TRIO: variants seen among roughly 807,000 people sequenced by gnomAD.
The protein encoded by TRIO is trio Rho guanine nucleotide exchange factor.
TRIO carries 58 observed loss-of-function variants against 351.9 expected under a neutral mutation model. That is an observed-to-expected ratio of 0.16 (90% CI 0.13 to 0.21). The LOEUF is 0.21. TRIO is among the 10% of genes least tolerant of loss of function. The pLI, the probability that TRIO is intolerant of heterozygous loss-of-function variation, is 1.00. For synonymous variants in TRIO, 1,758 were observed against 1,595.7 expected (o/e 1.10, Z -2.42); for missense variants, 3,201 against 4,027.8 (o/e 0.79, Z 5.56).
At chr5:14,436,986 T>C (rs1297347937) in intron 34 of TRIO, among the ~76,000 whole-genome samples, 1 of 152,200 alleles carries the variant, frequency 6.6e-6, no homozygotes, top group African/African-American at 2.4e-5. Context: ...ACAGCTCCAC[T>C]AGGCTCCTGT....
Position 14,488,028 on chromosome 5 carries a change from C to T in TRIO, c.7400C>T (p.Ser2467Phe), listed in dbSNP as rs1233033472. ...LNSPLSSAVP[S>F]LGKEPFPPSS... ...TCGCCGCTCTCCAGCGCGGTCCCTT[C>T]TCTCGGCAAGGAGCCCTTCCCCCCC... Residue 2467 changes from serine (S) to phenylalanine (F), a missense_variant, in exon 48 of 57, where the codon TCT (serine) becomes TTT (phenylalanine). Ser to Phe is a radical substitution (Grantham distance 155). This residue lies in a region of TRIO where 1,089 missense variants were observed against 954.9 expected (regional missense o/e 1.14). Coordinates refer to ENST00000344204, the MANE Select transcript of TRIO (RefSeq NM_007118.4). 6 of 1,602,102 alleles carry T rather than the reference C, an allele frequency of 3.7e-6. No homozygotes were observed. The highest frequency in any genetic ancestry group is 3.4e-6 in the Non-Finnish European group (4 of 1,175,580).
chr5:14,299,907 T>C (rs1737708413), intron 7 of TRIO, among the ~76,000 whole-genome samples: 1 of 152,250 alleles, frequency 6.6e-6, no homozygotes, highest in African/African-American at 2.4e-5. Context: ...CCCTGCCCTC[T>C]CTCTCCATGG....
In TRIO at chr5:14,496,981, G is replaced by A. The variant is rs933202795; in HGVS notation, c.7983G>A (p.Lys2661=). The A allele has an allele frequency of 1.2e-6, 2 of 1,614,220 alleles. No homozygotes were observed. Among genetic ancestry groups the A allele is most frequent in the Non-Finnish European group, 1.7e-6 (2 of 1,180,032 alleles). Residue 2661 remains lysine (K), a synonymous_variant, in exon 50 of 57, where the codon AAG becomes AAA. Transcript: ENST00000344204. ...GCAAGTTAGAGAACGGTTATCGGAA[G>A]TCACGGGAAGGACTCAGCAACAAGG... ...REGKLENGYR[K]SREGLSNKVS...
chr5:14,166,018 T>C (rs933514934), intron 1 of TRIO, among the ~76,000 whole-genome samples: 5 of 152,260 alleles, frequency 3.3e-5, no homozygotes, highest in Non-Finnish European at 5.9e-5. Context: ...TTCTCTTGTT[T>C]CTCATTCTTC....
In TRIO at chr5:14,482,771, A is replaced by G. The variant is rs1329996334; in HGVS notation, c.6655A>G (p.Lys2219Glu). 6.9e-6 allele frequency: 11 copies of G among 1,585,184 alleles called. No individual in the cohort carries two copies. The highest frequency in any genetic ancestry group is 9.5e-6 in the Non-Finnish European group (11 of 1,161,946). Residue 2219 changes from lysine (K) to glutamate (E), a missense_variant and splice_region_variant, in exon 46 of 57, where the codon AAG becomes GAG. Around this residue, in one of 19 missense-constraint regions of TRIO, gnomAD observed 1,089 missense variants for 954.9 expected, o/e 1.14. Transcript: ENST00000344204. ...MPGFLFKNSI[K>E]VSCLCLEENV... ...GGGATTCCTGTTTAAGAACAGTATC[A>G]AGGTAACGTGTGTCTCTGTGTGATT...
rs1200628649 is a variant in TRIO at position 14,280,911 on chromosome 5, A to G, written c.347+475A>G. On this transcript the variant is annotated intron_variant, in intron 3 of 56. Transcript: ENST00000344204. Reference sequence around the variant, plus strand: ...ATTGGGCGTAGATTTGGGAATCTCTATCAAAATTGAGACTCCATTGGTAAT... The same window carrying G: ...ATTGGGCGTAGATTTGGGAATCTCTGTCAAAATTGAGACTCCATTGGTAAT... Among the ~76,000 whole-genome samples the G allele has an allele frequency of 2.0e-5, 3 of 152,226 alleles. No individual in the cohort carries two copies. The East Asian group carries it at 5.8e-4, about 29-fold the overall frequency.
chr5:14,225,796 C>A lies in TRIO; in HGVS notation c.158-45029C>A, dbSNP rs1262577959. 3.8e-5 allele frequency among the ~76,000 whole-genome samples: 5 copies of A among 131,210 alleles called. No homozygotes were observed. In the East Asian group the frequency reaches 6.4e-4, roughly 17 times the overall value. 86.1% of individuals were successfully genotyped at this position (131,210 alleles called of 152,430 possible). On this transcript the variant is annotated intron_variant, in intron 1 of 56. Transcript: ENST00000344204. ...CCCATCATATTCACTGCTCCCACCC[C>A]CCCCCCCACCTCCAAGCCCAAAAGG...
chr5:14,472,730 A>G, intron 39 of TRIO, 72 bp downstream of exon 39: 1 of 1,471,770 alleles, frequency 6.8e-7, no homozygotes, highest in Non-Finnish European at 9.4e-7. Flanking sequence ...CGTTTTAGAC[A>G]GTTGAACACC....
At chr5:14,304,344 A>G (rs1738177608) in intron 7 of TRIO, 117 bp from the exon 8 acceptor site, 3 of 1,053,126 alleles carry the variant, frequency 2.8e-6, no homozygotes, top group Non-Finnish European at 4.1e-6. Context: ...AGAGTCAACC[A>G]TGTTAAATTC....
At position 14,304,513 on chromosome 5, in the gene TRIO, C is replaced by T. The variant is rs766016794; in HGVS notation, c.1421C>T (p.Pro474Leu). ...WCKACGEVDL[P>L]SELQDLEDAI... is the part of the protein sequence containing the mutation. ...AAAGCTTGCGGTGAGGTAGACCTTC[C>T]CTCAGAGCTGCAGGACCTAGAAGAT... The change falls in exon 8 of 57, where the codon CCC (proline) becomes CTC (leucine). Residue 474 changes from proline (P) to leucine (L), a missense_variant. This residue lies in a region of TRIO where 349 missense variants were observed against 449.3 expected (regional missense o/e 0.78). Coordinates refer to ENST00000344204, the MANE Select transcript of TRIO (RefSeq NM_007118.4). 3.7e-6 allele frequency: 6 copies of T among 1,614,040 alleles called. No homozygotes were observed. The Admixed American group carries it at 8.3e-5, about 22-fold the overall frequency.
intron 34 of TRIO, among the ~76,000 whole-genome samples, chr5:14,432,882 C>A (rs1256055545): frequency 6.6e-6 from 1 of 152,134 alleles, no homozygotes; most frequent in African/African-American, 2.4e-5. Context: ...CTGTCAGCTC[C>A]CCGCCACCAT....
At chr5:14,402,008 T>G (rs1748112753) in intron 31 of TRIO, among the ~76,000 whole-genome samples, 1 of 152,188 alleles carries the variant, frequency 6.6e-6, no homozygotes, top group Non-Finnish European at 1.5e-5. Flanking sequence ...TGGAAGCCAT[T>G]GTGTTCATAA....
intron 44 of TRIO, 82 bp from the exon 45 acceptor site, chr5:14,481,459 A>G: frequency 5.2e-6 from 8 of 1,542,406 alleles, no homozygotes; most frequent in Admixed American, 1.7e-5. Context: ...GAAGAACAGA[A>G]CTTCATCAGG....
intron 18 of TRIO, among the ~76,000 whole-genome samples, chr5:14,373,172 A>G (rs925125989): frequency 2.0e-5 from 3 of 152,184 alleles, no homozygotes; most frequent in Non-Finnish European, 4.4e-5. Flanking sequence ...CGAGGTTTCT[A>G]CCGCTGACAT....
At chr5:14,488,995 G>A (rs1187838678) in intron 48 of TRIO, 1 of 764,976 alleles carries the variant, frequency 1.3e-6, no homozygotes, top group African/African-American at 1.7e-5. Context: ...TCTGTTTCCT[G>A]CTTCCTCACT....
At chr5:14,408,033 G>A (rs1748874697) in intron 33 of TRIO, among the ~76,000 whole-genome samples, 1 of 152,182 alleles carries the variant, frequency 6.6e-6, no homozygotes, top group Non-Finnish European at 1.5e-5. Context: ...TCCCCATCAT[G>A]AGACCCGGGA....
Position 14,316,678 on chromosome 5 carries a change from C to A in TRIO, c.1666C>A (p.Gln556Lys). 6.2e-7 allele frequency: 1 copy of A among 1,614,212 alleles called. No homozygotes were observed. The highest frequency in any genetic ancestry group is 8.5e-7 in the Non-Finnish European group (1 of 1,180,040). Residue 556 changes from glutamine (Q) to lysine (K), a missense_variant, in exon 9 of 57, where the codon CAA (glutamine) becomes AAA (lysine). This residue lies in a region of TRIO where 349 missense variants were observed against 449.3 expected (regional missense o/e 0.78). Coordinates refer to ENST00000344204, the MANE Select transcript of TRIO (RefSeq NM_007118.4). ...CCAGCGGCAGCTGGAGAACATCTGG[C>A]AACACCGCAAGGTCCGGCTGCATCA... ...HHQRQLENIW[Q>K]HRKVRLHQRL...
chr5:14,149,037 G>T (rs545036485), intron 1 of TRIO, among the ~76,000 whole-genome samples: 1 of 152,324 alleles, frequency 6.6e-6, no homozygotes, highest in South Asian at 2.1e-4. Context: ...AATTCTGGCT[G>T]CTGTTACTCA....
intron 1 of TRIO, among the ~76,000 whole-genome samples, chr5:14,226,021 C>T (rs976863282): frequency 6.6e-6 from 1 of 152,166 alleles, no homozygotes; most frequent in Non-Finnish European, 1.5e-5. Context: ...TTCCTTCCTG[C>T]TTCCTGTGCA....
Sources: gnomAD v4.1 joint callset for allele counts (sites outside exome capture counted in the v4.1 genomes callset) on GRCh38, gnomAD v4.1.1 for gene constraint, gnomAD v4.1.1 regional missense constraint, MANE v1.5 for transcripts, NCBI Gene and HGNC (gene_info 2026-07-23, HGNC 2026-07-21) for gene names.